Variants in BRD4 observed in about 807,000 individuals in gnomAD.
The protein encoded by BRD4 is bromodomain containing 4.
In BRD4, 16 loss-of-function variants were observed where a neutral mutation model predicts 142.1. The observed-to-expected ratio is 0.11, with a 90% CI of 0.08 to 0.17. The LOEUF is 0.17. Among genes scored for constraint, BRD4 ranks in the 10% least tolerant of loss-of-function variants. BRD4 has a pLI of 1.00. For missense variants in BRD4, 1,424 were observed against 1,810.9 expected (o/e 0.79, Z 3.88); for synonymous variants, 833 against 707.5 (o/e 1.18, Z -2.82).
At chr19:15,278,131 A>AG (rs2047668850) in intron 1 of BRD4, among the ~76,000 whole-genome samples, 2 of 149,604 alleles carry the variant, frequency 1.3e-5, no homozygotes, top group African/African-American at 4.9e-5. Context: ...AAAAAAAAAA[A>AG]AAAAAAAAAT....
chr19:15,250,056 C>G (rs1370662151), intron 11 of BRD4, among the ~76,000 whole-genome samples: 1 of 152,120 alleles, frequency 6.6e-6, no homozygotes, highest in Non-Finnish European at 1.5e-5. Context: ...CGTAGCAGAG[C>G]GGATGCCTCT....
At chr19:15,284,465 C>T (rs1246593662) in intron 1 of BRD4, among the ~76,000 whole-genome samples, 3 of 152,200 alleles carry the variant, frequency 2.0e-5, no homozygotes, top group African/African-American at 7.2e-5. Context: ...ATATCTGATA[C>T]ACACCCCCAA....
chr19:15,264,492 G>A lies in BRD4; in HGVS notation c.1124C>T (p.Pro375Leu). The change falls in exon 6 of 20, where the codon CCC becomes CTC. Residue 375 changes from proline to leucine, a missense_variant. Transcript: ENST00000679869. ...FAKKHAAYAW[P>L]FYKPVDVEAL... ...CTCCACGTCCACAGGCTTGTAGAAG[G>A]GCCAGGCGTAGGCGGCGTGCTTCTT... 6.2e-7 allele frequency: 1 copy of A among 1,614,126 alleles called. No individual in the cohort carries two copies. The highest frequency in any genetic ancestry group is 8.5e-7 in the Non-Finnish European group (1 of 1,180,018).
intron 8 of BRD4, 112 bp downstream of exon 8, chr19:15,256,852 A>T: frequency 3.1e-6 from 3 of 960,046 alleles, no homozygotes; most frequent in African/African-American, 1.6e-5. Context: ...GTCCAGTGGG[A>T]ATTATGCTCC....
At position 15,267,492 on chromosome 19, in the gene BRD4, T is replaced by A. The variant is rs769496685; in HGVS notation, c.483A>T (p.Ile161=). The change falls in exon 4 of 20, where the codon ATA becomes ATT. Residue 161 remains isoleucine, a synonymous_variant. Coordinates refer to ENST00000679869, the MANE Select transcript of BRD4 (RefSeq NM_001379291.1). ...CGGTTTCTTCTGTGGGTAGCTCATT[T>A]ATTTTTTGCAAGAAGAGCTTTTCCA... ...EALEKLFLQK[I]NELPTEETEI... is the part of the protein sequence containing the mutation. 3 of 1,614,212 alleles carry A rather than the reference T, an allele frequency of 1.9e-6. No homozygotes were observed. Among genetic ancestry groups the A allele is most frequent in the Non-Finnish European group, 2.5e-6 (3 of 1,180,036 alleles).
At chr19:15,244,161 C>T (rs1353146843) in intron 13 of BRD4, 70 bp downstream of exon 13, 15 of 1,534,096 alleles carry the variant, frequency 9.8e-6, no homozygotes, top group Non-Finnish European at 1.1e-5. Flanking sequence ...AGCCAGAGTG[C>T]TCGGACACCA....
chr19:15,328,397 G>A (rs901848158), intron 1 of BRD4, among the ~76,000 whole-genome samples: 3 of 152,108 alleles, frequency 2.0e-5, no homozygotes, highest in Non-Finnish European at 4.4e-5. Context: ...GCAGGTCAGG[G>A]TTGAACCACA....
At position 15,329,631 on chromosome 19, in the gene BRD4, C is replaced by G. The variant is rs576774892; in HGVS notation, c.-35+2659G>C. Among the ~76,000 whole-genome samples the G allele has an allele frequency of 5.9e-5, 9 of 152,212 alleles. No homozygotes were observed. The South Asian group carries it at 1.9e-3, about 32-fold the overall frequency. ...GCGCGTGCCTGTAATCCCAGCTACTCGGGAGGCTGAGGCAGGAGACTCGCT... is the reference window on the plus strand; with the variant it reads ...GCGCGTGCCTGTAATCCCAGCTACTGGGGAGGCTGAGGCAGGAGACTCGCT... On this transcript the variant is annotated intron_variant, in intron 1 of 19. Coordinates refer to ENST00000679869, the MANE Select transcript of BRD4 (RefSeq NM_001379291.1).
rs1022879692 is a variant in BRD4, at chr19:15,237,121, G to A, written c.*1256C>T. On this transcript the variant is annotated 3_prime_UTR_variant, in exon 20 of 20. Coordinates refer to ENST00000679869, the MANE Select transcript of BRD4 (RefSeq NM_001379291.1). ...TTAGTCTGTGGCGCCCCCAGGGCCC[G>A]GTTCCCACCTCATCCCTTGGCCCTT... is the stretch of plus-strand genomic sequence containing the variant. The A allele has an allele frequency of 2.8e-5, 6 of 211,302 alleles. No individual in the cohort carries two copies. The highest frequency in any genetic ancestry group is 3.8e-5 in the Non-Finnish European group (4 of 104,958). The allele number at this position is 211,302 out of a possible 1,614,324, so 13.1% of individuals were successfully genotyped here.
intron 1 of BRD4, among the ~76,000 whole-genome samples, chr19:15,279,335 C>T (rs1409802550): frequency 6.6e-6 from 1 of 152,134 alleles, no homozygotes; most frequent in Non-Finnish European, 1.5e-5. Flanking sequence ...AGAAATCTAA[C>T]AAAAGATATA....
chr19:15,256,790 C>T (rs1363429316), intron 8 of BRD4, among the ~76,000 whole-genome samples, 174 bp downstream of exon 8: 2 of 152,162 alleles, frequency 1.3e-5, no homozygotes, highest in African/African-American at 2.4e-5. Context: ...ATCATACATA[C>T]GTGTATGATC....
chr19:15,281,135 C>T (rs1031582859), intron 1 of BRD4, among the ~76,000 whole-genome samples: 5 of 152,214 alleles, frequency 3.3e-5, no homozygotes, highest in African/African-American at 7.2e-5. Flanking sequence ...AGCCAGACTG[C>T]GCCGCCTGGA....
intron 1 of BRD4, among the ~76,000 whole-genome samples, chr19:15,311,312 A>G (rs1350255401): frequency 6.6e-6 from 1 of 151,938 alleles, no homozygotes; most frequent in Non-Finnish European, 1.5e-5. Context: ...AAAAAAACAA[A>G]AAACAGTAGG....
At chr19:15,265,766 C>T (rs2047528348) in intron 4 of BRD4, 123 bp from the exon 5 acceptor site, 12 of 1,073,580 alleles carry the variant, frequency 1.1e-5, no homozygotes, top group Middle Eastern at 2.3e-4. Context: ...GCCTGAGAGA[C>T]GAACATCCCA....
intron 1 of BRD4, among the ~76,000 whole-genome samples, chr19:15,317,421 A>C (rs2145723606): frequency 6.6e-6 from 1 of 152,290 alleles, no homozygotes; most frequent in East Asian, 1.9e-4. Context: ...TGGCTCCACC[A>C]CTTTAAAACA....
At position 15,297,412 on chromosome 19, in the gene BRD4, C is replaced by T. The variant is rs1568402559; in HGVS notation, c.-34-24279G>A. 2.0e-5 allele frequency among the ~76,000 whole-genome samples: 3 copies of T among 152,296 alleles called. No homozygotes were observed. The Middle Eastern group carries it at 0.01, about 518-fold the overall frequency. On this transcript the variant is annotated intron_variant, in intron 1 of 19. Transcript: ENST00000679869. ...CCTTCCTGAATAAACAACGTACACACGATACAGAGAAGCACTGAGCCACTG... is the reference window on the plus strand; with the variant it reads ...CCTTCCTGAATAAACAACGTACACATGATACAGAGAAGCACTGAGCCACTG...
At position 15,255,612 on chromosome 19, in the gene BRD4, A is replaced by G. The variant is rs199665891; in HGVS notation, c.1752-20T>C. 1.5e-4 allele frequency: 237 copies of G among 1,583,402 alleles called. 2 individuals carry two copies. In the African/African-American group the frequency reaches 3.0e-3, roughly 20 times the overall value. Reference sequence around the variant, plus strand: ...TTCTTGCTACGAAGGGACGATGCAGACACCATCAAGAACGGGCCCCCTGAG... The same window carrying G: ...TTCTTGCTACGAAGGGACGATGCAGGCACCATCAAGAACGGGCCCCCTGAG... On this transcript the variant is annotated intron_variant, in intron 9 of 19. Transcript: ENST00000679869.
At chr19:15,310,036 C>T (rs1215280045) in intron 1 of BRD4, among the ~76,000 whole-genome samples, 1 of 152,034 alleles carries the variant, frequency 6.6e-6, no homozygotes, top group Admixed American at 6.6e-5. Flanking sequence ...TGGTTACATT[C>T]TGAGGCAATG....
At chr19:15,303,513 C>T (rs1172366230) in intron 1 of BRD4, among the ~76,000 whole-genome samples, 2 of 152,178 alleles carry the variant, frequency 1.3e-5, no homozygotes, top group Non-Finnish European at 2.9e-5. Flanking sequence ...TAGCCTTAAA[C>T]AGGACAATTC....
Sources: allele counts gnomAD v4.1 joint callset (sites outside exome capture counted in the v4.1 genomes callset), GRCh38; gene constraint gnomAD v4.1.1; transcripts MANE v1.5; gene names NCBI Gene and HGNC (gene_info 2026-07-23, HGNC 2026-07-21).